Variants in AUTS2 observed in about 807,000 individuals in gnomAD.
The protein encoded by AUTS2 is activator of transcription and developmental regulator AUTS2.
Under a neutral mutation model 112.4 loss-of-function variants are expected in AUTS2, and 17 were observed. That is an observed-to-expected ratio of 0.15 (90% CI 0.10 to 0.23). The LOEUF is 0.23. Ranked by LOEUF, AUTS2 falls within the 10% of genes least tolerant of loss-of-function variation. The probability of loss-of-function intolerance (pLI) is 1.00; values close to 1 mark genes in which losing one functional copy is unlikely to be tolerated. For missense variants in AUTS2, 1,510 were observed against 1,701.6 expected, an observed-to-expected ratio of 0.89 and a Z score of 1.98; for synonymous variants, 751 against 702.7, an observed-to-expected ratio of 1.07 and a Z score of -1.09.
intron 2 of AUTS2, among the ~76,000 whole-genome samples, chr7:70,073,016 T>TCTCCC (rs1337664474): frequency 7.9e-6 from 1 of 126,486 alleles, no homozygotes; most frequent in Non-Finnish European, 1.7e-5. Context: ...GCTTTCTCCC[T>TCTCCC]CTCCCCTCCC....
At position 70,791,235 on chromosome 7, in the gene AUTS2, G is replaced by C. The variant is rs1377210687; in HGVS notation, c.*239G>C. 4.0e-6 allele frequency: 1 copy of C among 250,266 alleles called. No homozygotes were observed. 15.5% of individuals were successfully genotyped at this position (250,266 alleles called of 1,614,324 possible). On this transcript the variant is annotated 3_prime_UTR_variant, in exon 19 of 19. Transcript: ENST00000342771. ...TCACGTCTCCTACTTTTTGTTTCTC[G>C]TATAAAACTTTTTGATTTGAACCAA...
chr7:69,939,316 T>C (rs1025604139), intron 2 of AUTS2, among the ~76,000 whole-genome samples: 1 of 152,206 alleles, frequency 6.6e-6, no homozygotes, highest in African/African-American at 2.4e-5. Context: ...AGGAGCCCCC[T>C]TAAATGTCAC....
chr7:69,791,511 A>G (rs1219886618), intron 1 of AUTS2, among the ~76,000 whole-genome samples: 2 of 152,192 alleles, frequency 1.3e-5, no homozygotes, highest in African/African-American at 2.4e-5. Context: ...CGTTTCATAC[A>G]TCTGCAAAAT....
At chr7:69,617,415 C>G (rs1039329662) in intron 1 of AUTS2, among the ~76,000 whole-genome samples, 2 of 151,996 alleles carry the variant, frequency 1.3e-5, no homozygotes, top group African/African-American at 4.8e-5. Context: ...TACAGATAAC[C>G]CGGAGGAGAG....
intron 4 of AUTS2, chr7:70,292,375 C>T (rs896142175): frequency 2.0e-5 from 3 of 152,310 alleles, no homozygotes; most frequent in African/African-American, 7.2e-5. Flanking sequence ...ACCAGTGGGG[C>T]TTTAGGCCTG....
chr7:69,661,062 G>A (rs931215421), intron 1 of AUTS2, among the ~76,000 whole-genome samples: 3 of 152,174 alleles, frequency 2.0e-5, no homozygotes, highest in Non-Finnish European at 2.9e-5. Context: ...TGACATTGGC[G>A]GCAAGTCTTT....
At chr7:70,457,951 C>T (rs1037721284) in intron 5 of AUTS2, among the ~76,000 whole-genome samples, 17 of 152,154 alleles carry the variant, frequency 1.1e-4, no homozygotes, top group Non-Finnish European at 1.5e-4. Context: ...GTCCTCCTCT[C>T]GGTTTCTAAG....
At position 69,838,691 on chromosome 7, in the gene AUTS2, A is replaced by C. The variant is rs533185480; in HGVS notation, c.310-60595A>C. Among the ~76,000 whole-genome samples, 5 of 152,280 alleles carry C rather than the reference A, an allele frequency of 3.3e-5. No homozygotes were observed. In the South Asian group the frequency reaches 1.0e-3, roughly 32 times the overall value. ...CTTTTAGCAGTGGAACTCTTCTTTA[A>C]ATGGAGATATTACTAGATAGCACAA... On this transcript the variant is annotated intron_variant, in intron 1 of 18. Coordinates refer to ENST00000342771, the MANE Select transcript of AUTS2 (RefSeq NM_015570.4).
rs1791924116 is a variant in AUTS2, at chr7:70,791,107, C to G, written c.*111C>G. 2.8e-6 allele frequency: 3 copies of G among 1,079,976 alleles called. No homozygotes were observed. The East Asian group carries it at 9.0e-5, about 32-fold the overall frequency. The allele number at this position is 1,079,976 out of a possible 1,614,324, so 66.9% of individuals were successfully genotyped here. A position where few individuals can be genotyped will look rare whatever the true frequency, so the allele number is the denominator to read the frequency against. On this transcript the variant is annotated 3_prime_UTR_variant, in exon 19 of 19. Transcript: ENST00000342771. Reference sequence around the variant, plus strand: ...ACACAGACTGGGGGGGAAAGCCCCACCCCTTCCCCTTGTAAAAAATGTATA... The same window carrying G: ...ACACAGACTGGGGGGGAAAGCCCCAGCCCTTCCCCTTGTAAAAAATGTATA...
intron 4 of AUTS2, among the ~76,000 whole-genome samples, chr7:70,371,512 C>T (rs984602669): frequency 3.3e-5 from 5 of 152,158 alleles, no homozygotes; most frequent in African/African-American, 7.2e-5. Context: ...GAAAACCTAG[C>T]GTGTGGTTCA....
At chr7:69,968,305 A>G (rs184863337) in intron 2 of AUTS2, among the ~76,000 whole-genome samples, 1 of 152,132 alleles carries the variant, frequency 6.6e-6, no homozygotes. Flanking sequence ...ATATGAGATG[A>G]TCTCTTTACT....
chr7:70,439,933 A>G (rs867474036), intron 5 of AUTS2, among the ~76,000 whole-genome samples: 40 of 152,312 alleles, frequency 2.6e-4, no homozygotes, highest in African/African-American at 9.1e-4. Context: ...TGGAAGGCAT[A>G]TAGCCCAGTG....
chr7:70,239,412 C>A (rs1812490162), intron 4 of AUTS2, among the ~76,000 whole-genome samples: 1 of 152,112 alleles, frequency 6.6e-6, no homozygotes, highest in South Asian at 2.1e-4. Context: ...TGAATTCATG[C>A]AGAGCCAGCC....
At chr7:69,602,257 C>T (rs889503281) in intron 1 of AUTS2, among the ~76,000 whole-genome samples, 3 of 151,942 alleles carry the variant, frequency 2.0e-5, no homozygotes, top group Non-Finnish European at 4.4e-5. Context: ...AGACCAAGTT[C>T]AAAATGTACA....
intron 4 of AUTS2, among the ~76,000 whole-genome samples, chr7:70,369,581 AG>A (rs1792744882): frequency 1.3e-5 from 2 of 152,174 alleles, no homozygotes; most frequent in African/African-American, 4.8e-5. Context: ...GGAGGCAAGA[AG>A]GAGAGTGGCC....
intron 5 of AUTS2, among the ~76,000 whole-genome samples, chr7:70,582,762 A>G (rs930862053): frequency 6.6e-6 from 1 of 152,214 alleles, no homozygotes; most frequent in Non-Finnish European, 1.5e-5. Flanking sequence ...ATGTTTCTAC[A>G]GAGAGCCCTT....
chr7:70,493,163 A>G (rs1798316492), intron 5 of AUTS2, among the ~76,000 whole-genome samples: 1 of 152,214 alleles, frequency 6.6e-6, no homozygotes, highest in Non-Finnish European at 1.5e-5. Context: ...TGTGTGGGAA[A>G]AGGTATATTT....
intron 15 of AUTS2, chr7:70,784,633 TCTGTCTTTGTAATA>T: frequency 3.0e-6 from 1 of 337,516 alleles, no homozygotes; most frequent in Non-Finnish European, 5.4e-6. Flanking sequence ...GGCAGTTATC[TCTGTCTTTGTAATA>T]CTGTGTGTCA....
At chr7:69,934,515 A>G (rs1162959158) in intron 2 of AUTS2, among the ~76,000 whole-genome samples, 1 of 152,138 alleles carries the variant, frequency 6.6e-6, no homozygotes, top group Non-Finnish European at 1.5e-5. Flanking sequence ...AGCCCTTGAC[A>G]CTGGACAGAG....
Sources: gnomAD v4.1 joint callset for allele counts (sites outside exome capture counted in the v4.1 genomes callset) on GRCh38, gnomAD v4.1.1 for gene constraint, MANE v1.5 for transcripts, NCBI Gene and HGNC (gene_info 2026-07-23, HGNC 2026-07-21) for gene names.